COG5: variants seen among roughly 807,000 people sequenced by gnomAD.
COG5 encodes component of oligomeric golgi complex 5, also known as conserved oligomeric Golgi complex subunit 5.
COG5 carries 86 observed loss-of-function variants against 110.4 expected under a neutral mutation model. That is an observed-to-expected ratio of 0.78 (90% CI 0.65 to 0.93). The LOEUF (loss-of-function observed/expected upper bound fraction) is 0.93, where lower values mean the gene tolerates loss of function less well. Among genes scored for constraint, COG5 ranks in the 40% least tolerant of loss-of-function variants. The pLI, the probability that COG5 is intolerant of heterozygous loss-of-function variation, is 0.00. For missense variants in COG5, 1,077 were observed against 987.0 expected, an observed-to-expected ratio of 1.09 and a Z score of -1.22; for synonymous variants, 360 against 334.6, an observed-to-expected ratio of 1.08 and a Z score of -0.83.
intron 5 of COG5, among the ~76,000 whole-genome samples, chr7:107,546,061 A>C (rs746418806): frequency 6.6e-6 from 1 of 152,138 alleles, no homozygotes; most frequent in African/African-American, 2.4e-5. Flanking sequence ...AAATCAATAA[A>C]GGATGGATTT....
At chr7:107,495,740 A>T (rs1417101224) in intron 6 of COG5, among the ~76,000 whole-genome samples, 1 of 152,114 alleles carries the variant, frequency 6.6e-6, no homozygotes, top group African/African-American at 2.4e-5. Flanking sequence ...AATTTCTAAG[A>T]ATTACAGTGT....
chr7:107,252,475 G>GAAAAAC (rs1445806926), intron 16 of COG5, among the ~76,000 whole-genome samples: 7 of 151,928 alleles, frequency 4.6e-5, no homozygotes, highest in African/African-American at 7.3e-5. Flanking sequence ...ACTTGAGGAA[G>GAAAAAC]AAAAACAAAA....
intron 12 of COG5, among the ~76,000 whole-genome samples, chr7:107,291,112 G>C (rs889174267): frequency 1.3e-5 from 2 of 152,150 alleles, no homozygotes; most frequent in African/African-American, 2.4e-5. Flanking sequence ...AAAAAACTGG[G>C]AAGGTTTCAT....
chr7:107,419,978 A>C (rs1287455100), intron 6 of COG5, among the ~76,000 whole-genome samples: 1 of 152,252 alleles, frequency 6.6e-6, no homozygotes, highest in Non-Finnish European at 1.5e-5. Flanking sequence ...CTTTTTAATA[A>C]TCTTTGAAAT....
At chr7:107,371,137 T>C (rs1240424882) in intron 8 of COG5, among the ~76,000 whole-genome samples, 1 of 152,172 alleles carries the variant, frequency 6.6e-6, no homozygotes, top group African/African-American at 2.4e-5. Flanking sequence ...TTTACAAAGA[T>C]CTCTTTCTGG....
At chr7:107,422,149 C>T (rs1319185281) in intron 6 of COG5, among the ~76,000 whole-genome samples, 1 of 151,932 alleles carries the variant, frequency 6.6e-6, no homozygotes, top group Non-Finnish European at 1.5e-5. Context: ...TCAATCAAAC[C>T]AAAAGTTGAC....
chr7:107,447,480 A>C (rs762219976), intron 6 of COG5, among the ~76,000 whole-genome samples: 1 of 152,202 alleles, frequency 6.6e-6, no homozygotes, highest in Non-Finnish European at 1.5e-5. Context: ...ACTTTGTCAC[A>C]CGATAATATA....
intron 17 of COG5, among the ~76,000 whole-genome samples, chr7:107,244,950 A>G (rs1483838942): frequency 6.6e-6 from 1 of 152,180 alleles, no homozygotes; most frequent in Non-Finnish European, 1.5e-5. Context: ...CCCTCATTCT[A>G]TGAGGCCAGC....
intron 11 of COG5, among the ~76,000 whole-genome samples, chr7:107,300,901 GACA>G: frequency 6.6e-6 from 1 of 152,056 alleles, no homozygotes. Flanking sequence ...CTGATTTCAA[GACA>G]TATAAAACTA....
At chr7:107,547,210 A>G (rs2129172411) in intron 5 of COG5, among the ~76,000 whole-genome samples, 1 of 152,352 alleles carries the variant, frequency 6.6e-6, no homozygotes, top group African/African-American at 2.4e-5. Flanking sequence ...GGGTGCAGGG[A>G]TAGTTCAACA....
At chr7:107,548,057 C>G in intron 5 of COG5, 54 bp downstream of exon 5, 1 of 1,465,532 alleles carries the variant, frequency 6.8e-7, no homozygotes, top group East Asian at 2.3e-5. Flanking sequence ...ATTTTGTCCA[C>G]TTATGAAAAC....
chr7:107,452,353 G>A (rs1050624898), intron 6 of COG5, among the ~76,000 whole-genome samples: 2 of 151,936 alleles, frequency 1.3e-5, no homozygotes, highest in Non-Finnish European at 2.9e-5. Context: ...TATAATATTT[G>A]GCCCTATCTC....
chr7:107,390,656 T>TGCAA (rs1384969789), intron 7 of COG5, among the ~76,000 whole-genome samples: 6 of 151,206 alleles, frequency 4.0e-5, no homozygotes, highest in Non-Finnish European at 7.4e-5. Flanking sequence ...TGGAAGGGTA[T>TGCAA]GCAAGATCAT....
At position 107,288,903 on chromosome 7, in the gene COG5, C is replaced by CAG. The variant is rs1186557262; in HGVS notation, c.1314-5173_1314-5172dup. ...GAAGATTTGCCCCTATGTTTTCTAA[C>CAG]AGAGATATATATATATATATATATA... On this transcript the variant is annotated intron_variant, in intron 12 of 21. Transcript: ENST00000297135. Among the ~76,000 whole-genome samples the CAG allele has an allele frequency of 2.8e-3, 225 of 81,296 alleles. 2 individuals are homozygous for CAG. Among genetic ancestry groups the CAG allele is most frequent in the Admixed American group, 0.02 (122 of 6,206 alleles). The allele number at this position is 81,296 out of a possible 152,430, so 53.3% of individuals were successfully genotyped here.
intron 10 of COG5, 121 bp downstream of exon 10, chr7:107,361,912 A>C (rs1584729213): frequency 1.5e-6 from 1 of 688,250 alleles, no homozygotes; most frequent in Non-Finnish European, 2.6e-6. Flanking sequence ...CAAGAAATAC[A>C]CTTCTCTATT....
chr7:107,560,415 A>C (rs920154321), intron 1 of COG5, among the ~76,000 whole-genome samples: 3 of 152,228 alleles, frequency 2.0e-5, no homozygotes, highest in Admixed American at 2.0e-4. Context: ...AGGATGTAGG[A>C]CTTAGTGACA....
At chr7:107,443,269 A>C (rs1322159435) in intron 6 of COG5, among the ~76,000 whole-genome samples, 1 of 152,172 alleles carries the variant, frequency 6.6e-6, no homozygotes, top group African/African-American at 2.4e-5. Flanking sequence ...CATATATTAT[A>C]TTATCCCATT....
chr7:107,478,509 C>T (rs1373683692), intron 6 of COG5, among the ~76,000 whole-genome samples: 2 of 151,806 alleles, frequency 1.3e-5, no homozygotes, highest in Admixed American at 6.6e-5. Flanking sequence ...CAGAAATAAA[C>T]AATTTATAAG....
chr7:107,423,367 A>T (rs1001149578), intron 6 of COG5, among the ~76,000 whole-genome samples: 9 of 152,214 alleles, frequency 5.9e-5, no homozygotes, highest in Non-Finnish European at 1.3e-4. Context: ...AACTATGAAT[A>T]ACTGAACAAC....
Sources: gnomAD v4.1 joint callset for allele counts (sites outside exome capture counted in the v4.1 genomes callset) on GRCh38, gnomAD v4.1.1 for gene constraint, MANE v1.5 for transcripts, NCBI Gene and HGNC (gene_info 2026-07-23, HGNC 2026-07-21) for gene names.